Variants in LDLRAD3 observed in about 807,000 individuals in gnomAD.
LDLRAD3 encodes low density lipoprotein receptor class A domain containing 3.
Under a neutral mutation model 29.4 loss-of-function variants are expected in LDLRAD3, and 20 were observed. The ratio of observed to expected loss-of-function variants is 0.68; its 90% CI spans 0.48 to 0.99. The LOEUF (loss-of-function observed/expected upper bound fraction) is 0.99. LDLRAD3 is among the 50% of genes least tolerant of loss of function. LDLRAD3 has a pLI of 0.00. For synonymous variants in LDLRAD3, 157 were observed against 192.7 expected, an observed-to-expected ratio of 0.81 and a Z score of 1.53; for missense variants, 420 against 454.3, an observed-to-expected ratio of 0.92 and a Z score of 0.69.
rs541344182 is a variant in LDLRAD3, at chr11:35,965,963, T to A, written c.46+21819T>A. On this transcript the variant is annotated intron_variant, in intron 1 of 5. Coordinates refer to ENST00000315571, the MANE Select transcript of LDLRAD3 (RefSeq NM_174902.4). ...TGACTGTTATTAACTTTTGGATCTG[T>A]GAATCTGGGCCCTACTGCCAAGGCA... Among the ~76,000 whole-genome samples the A allele has an allele frequency of 1.2e-4, 18 of 152,318 alleles. 1 individual carries two copies. In the South Asian group the frequency reaches 3.7e-3, roughly 32 times the overall value.
At chr11:36,088,581 G>GTAGCTCT (rs1853230483) in intron 3 of LDLRAD3, among the ~76,000 whole-genome samples, 2 of 152,148 alleles carry the variant, frequency 1.3e-5, no homozygotes, top group South Asian at 4.1e-4. Context: ...GCATATTTCT[G>GTAGCTCT]TAGCTCTATT....
intron 2 of LDLRAD3, among the ~76,000 whole-genome samples, chr11:36,057,360 C>T (rs1852636911): frequency 6.6e-6 from 1 of 152,162 alleles, no homozygotes. Flanking sequence ...GTGAATTCCT[C>T]GCAGTAATTA....
At chr11:35,983,807 T>C (rs948650365) in intron 1 of LDLRAD3, among the ~76,000 whole-genome samples, 12 of 152,106 alleles carry the variant, frequency 7.9e-5, no homozygotes, top group Non-Finnish European at 1.8e-4. Flanking sequence ...GTATTTTTAG[T>C]AGACACGGGG....
Position 36,105,763 on chromosome 11 carries a change from G to A in LDLRAD3, c.454+7302G>A, listed in dbSNP as rs1182110800. 3.3e-5 allele frequency among the ~76,000 whole-genome samples: 5 copies of A among 152,082 alleles called. No individual in the cohort carries two copies. The South Asian group carries it at 6.2e-4, about 19-fold the overall frequency. On this transcript the variant is annotated intron_variant, in intron 4 of 5. Coordinates refer to ENST00000315571, the MANE Select transcript of LDLRAD3 (RefSeq NM_174902.4). The stretch of plus-strand genomic sequence containing the variant: ...AGCCCTCTGAAGGAGCCAACCCTGC[G>A]GACATTTTGATCTTGGACTTCTGGC...
chr11:36,198,963 C>T (rs1475155380), intron 4 of LDLRAD3, among the ~76,000 whole-genome samples: 11 of 152,184 alleles, frequency 7.2e-5, no homozygotes, highest in Admixed American at 3.9e-4. Flanking sequence ...TGGAATGGCG[C>T]GATCTTGGCT....
In LDLRAD3 at chr11:36,133,624, C is replaced by T. The variant is rs374017070; in HGVS notation, c.454+35163C>T. On this transcript the variant is annotated intron_variant, in intron 4 of 5. Transcript: ENST00000315571. ...TCTCAGCTCACTGCAAGCTCCGCCT[C>T]CTGGGTTCACGCCATTCTCCTGCCT... is the stretch of plus-strand genomic sequence containing the variant. Among the ~76,000 whole-genome samples, 501 of 149,246 alleles carry T rather than the reference C, an allele frequency of 3.4e-3. 2 individuals are homozygous for T. Among genetic ancestry groups the T allele is most frequent in the African/African-American group, 0.012 (471 of 40,526 alleles).
intron 1 of LDLRAD3, among the ~76,000 whole-genome samples, chr11:35,975,435 A>G (rs1328858898): frequency 6.6e-6 from 1 of 152,212 alleles, no homozygotes; most frequent in Admixed American, 6.5e-5. Flanking sequence ...AGCATGCAGA[A>G]CAGGCATCTG....
At chr11:36,098,157 T>G (rs539260811) in intron 3 of LDLRAD3, among the ~76,000 whole-genome samples, 170 bp from the exon 4 acceptor site, 1 of 152,326 alleles carries the variant, frequency 6.6e-6, no homozygotes, top group South Asian at 2.1e-4. Context: ...GAGTAAGTCT[T>G]GTGTCCAGGT....
intron 4 of LDLRAD3, among the ~76,000 whole-genome samples, chr11:36,199,538 T>C (rs1487667857): frequency 6.6e-6 from 1 of 151,966 alleles, no homozygotes; most frequent in Non-Finnish European, 1.5e-5. Flanking sequence ...TGTTATATAA[T>C]GTTAGGAGTA....
At chr11:36,072,220 C>T (rs1852917249) in intron 2 of LDLRAD3, among the ~76,000 whole-genome samples, 1 of 152,194 alleles carries the variant, frequency 6.6e-6, no homozygotes, top group Non-Finnish European at 1.5e-5. Flanking sequence ...CCCACAGCTA[C>T]AGCAGGAGCT....
chr11:36,088,528 G>T (rs1853229704), intron 3 of LDLRAD3, among the ~76,000 whole-genome samples: 1 of 152,142 alleles, frequency 6.6e-6, no homozygotes, highest in South Asian at 2.1e-4. Context: ...GAATCATTTA[G>T]CTAGTATGTC....
intron 4 of LDLRAD3, among the ~76,000 whole-genome samples, chr11:36,204,565 G>T (rs1277392946): frequency 6.7e-6 from 1 of 148,716 alleles, no homozygotes. Flanking sequence ...GCTGCTCATT[G>T]CAACCTCCAC....
intron 4 of LDLRAD3, among the ~76,000 whole-genome samples, chr11:36,224,956 C>T (rs1327987716): frequency 1.3e-5 from 2 of 152,174 alleles, no homozygotes; most frequent in East Asian, 1.9e-4. Context: ...AACAACAGCA[C>T]TCATTTTACT....
intron 4 of LDLRAD3, among the ~76,000 whole-genome samples, chr11:36,166,451 A>G (rs1356634395): frequency 6.6e-6 from 1 of 152,208 alleles, no homozygotes; most frequent in Admixed American, 6.5e-5. Context: ...TTGTAAATAG[A>G]AGCCAGTTTG....
intron 1 of LDLRAD3, among the ~76,000 whole-genome samples, chr11:36,032,174 C>A (rs74971142): frequency 6.6e-6 from 1 of 152,100 alleles, no homozygotes; most frequent in African/African-American, 2.4e-5. Flanking sequence ...CAGTCACATT[C>A]GGAGGTTCTA....
Position 36,035,893 on chromosome 11 carries a change from C to G in LDLRAD3, c.47-210C>G, listed in dbSNP as rs2133209846. ...GCCTGACATTCAAGTATGTTTGTTC[C>G]CTGTATTTCTCCATTTAGTCCTCTC... On this transcript the variant is annotated intron_variant, in intron 1 of 5. Transcript: ENST00000315571. Among the ~76,000 whole-genome samples the G allele has an allele frequency of 2.0e-5, 3 of 152,268 alleles. 1 individual carries two copies. In the South Asian group the frequency reaches 6.2e-4, roughly 32 times the overall value.
chr11:36,188,201 C>T (rs1854882987), intron 4 of LDLRAD3, among the ~76,000 whole-genome samples: 1 of 151,822 alleles, frequency 6.6e-6, no homozygotes, highest in Admixed American at 6.6e-5. Flanking sequence ...CTGGGAAGTC[C>T]AGGTGCCTTC....
intron 4 of LDLRAD3, among the ~76,000 whole-genome samples, chr11:36,217,436 TC>T (rs1855367854): frequency 6.6e-6 from 1 of 152,118 alleles, no homozygotes; most frequent in African/African-American, 2.4e-5. Context: ...GAACTAGACT[TC>T]CTGGGTTCCT....
At chr11:36,023,295 AGGGAAC>A (rs1852121408) in intron 1 of LDLRAD3, among the ~76,000 whole-genome samples, 1 of 152,210 alleles carries the variant, frequency 6.6e-6, no homozygotes, top group Admixed American at 6.5e-5. Context: ...TTTAATCCAT[AGGGAAC>A]GGGAGGTAGG....
Sources: allele counts gnomAD v4.1 joint callset (sites outside exome capture counted in the v4.1 genomes callset), GRCh38; gene constraint gnomAD v4.1.1; transcripts MANE v1.5; gene names NCBI Gene and HGNC (gene_info 2026-07-23, HGNC 2026-07-21).